Variants in ATP6V1E1 observed in about 807,000 individuals in gnomAD.
The protein encoded by ATP6V1E1 is ATPase H+ transporting V1 subunit E1.
Under a neutral mutation model 35.2 loss-of-function variants are expected in ATP6V1E1, and 21 were observed. That is an observed-to-expected ratio of 0.60 (90% CI 0.42 to 0.86). ATP6V1E1 has a LOEUF of 0.86. Among genes scored for constraint, ATP6V1E1 ranks in the 40% least tolerant of loss-of-function variants. ATP6V1E1 has a pLI of 0.00. For synonymous variants in ATP6V1E1, 83 were observed against 87.8 expected, an observed-to-expected ratio of 0.95 and a Z score of 0.30; for missense variants, 183 against 272.6, an observed-to-expected ratio of 0.67 and a Z score of 2.32.
Position 17,620,446 on chromosome 22 carries a change from G to A in ATP6V1E1, c.34-920C>T, listed in dbSNP as rs143353742. ...ACAGACGTGAGCCACCGCGCACGGCGAGCAACCTTCCCTTCTTTAACAATC... is the reference window on the plus strand; with the variant it reads ...ACAGACGTGAGCCACCGCGCACGGCAAGCAACCTTCCCTTCTTTAACAATC... On this transcript the variant is annotated intron_variant, in intron 1 of 8. Coordinates refer to ENST00000253413, the MANE Select transcript of ATP6V1E1 (RefSeq NM_001696.4). 5.1e-3 allele frequency among the ~76,000 whole-genome samples: 772 copies of A among 151,188 alleles called. 9 individuals are homozygous for A. The highest frequency in any genetic ancestry group is 0.018 in the African/African-American group (746 of 41,304).
At chr22:17,598,400 C>G (rs2057744126) in intron 6 of ATP6V1E1, 112 bp from the exon 7 acceptor site, 1 of 831,426 alleles carries the variant, frequency 1.2e-6, no homozygotes, top group African/African-American at 1.7e-5. Context: ...GGTAAAAGAA[C>G]AGAGGCACCG....
rs149762005 is a variant in ATP6V1E1, at chr22:17,619,611, T to C, written c.34-85A>G. On this transcript the variant is annotated intron_variant, in intron 1 of 8. Coordinates refer to ENST00000253413, the MANE Select transcript of ATP6V1E1 (RefSeq NM_001696.4). ...CATTGAACAAGTAATCATAGGTAGG[T>C]GCAGTGGCTCACGCCCGTAATCCTA... is the stretch of plus-strand genomic sequence containing the variant. The C allele has an allele frequency of 9.5e-5, 115 of 1,208,374 alleles. No individual in the cohort carries two copies. In the African/African-American group the frequency reaches 1.3e-3, roughly 14 times the overall value. 74.9% of individuals were successfully genotyped at this position (1,208,374 alleles called of 1,614,324 possible).
At position 17,594,459 on chromosome 22, in the gene ATP6V1E1, T is replaced by G. The variant is rs920751871; in HGVS notation, c.618+70A>C. On this transcript the variant is annotated intron_variant, in intron 8 of 8. Transcript: ENST00000253413. ...GCAACAAATCCCAAATACCAGTGAA[T>G]GGACACGTGTTCTCTGTCCCACTTC... is the stretch of plus-strand genomic sequence containing the variant. 5 of 1,192,658 alleles carry G rather than the reference T, an allele frequency of 4.2e-6. No individual in the cohort carries two copies. The African/African-American group carries it at 7.9e-5, about 19-fold the overall frequency. 73.9% of individuals were successfully genotyped at this position (1,192,658 alleles called of 1,614,324 possible). A position where few individuals can be genotyped will look rare whatever the true frequency, so the allele number is the denominator to read the frequency against.
At chr22:17,594,248 C>A (rs1354968040) in intron 8 of ATP6V1E1, among the ~76,000 whole-genome samples, 2 of 152,126 alleles carry the variant, frequency 1.3e-5, no homozygotes, top group Non-Finnish European at 2.9e-5. Context: ...GTTCCCATCA[C>A]TCCTGTTAGA....
At chr22:17,599,173 A>G (rs1314112853) in intron 6 of ATP6V1E1, among the ~76,000 whole-genome samples, 1 of 152,144 alleles carries the variant, frequency 6.6e-6, no homozygotes, top group Admixed American at 6.6e-5. Context: ...AGTACGGGAA[A>G]ATGGAAAAGT....
chr22:17,594,637 G>T, intron 7 of ATP6V1E1, 21 bp from the exon 8 acceptor site: 1 of 1,520,864 alleles, frequency 6.6e-7, no homozygotes, highest in Non-Finnish European at 8.9e-7. Context: ...AAAAGCACAG[G>T]AAATAATCAT....
chr22:17,596,140 T>C lies in ATP6V1E1; in HGVS notation c.531-1524A>G, dbSNP rs537706645. On this transcript the variant is annotated intron_variant, in intron 7 of 8. Transcript: ENST00000253413. Reference sequence around the variant, plus strand: ...GTGAGACTCTGTCTCAAAAAATAAATAAATAAATAAATAAGATAAAAAATG... The same window carrying C: ...GTGAGACTCTGTCTCAAAAAATAAACAAATAAATAAATAAGATAAAAAATG... Among the ~76,000 whole-genome samples the C allele has an allele frequency of 2.0e-5, 3 of 151,868 alleles. No homozygotes were observed. In the South Asian group the frequency reaches 6.2e-4, roughly 32 times the overall value.
intron 1 of ATP6V1E1, among the ~76,000 whole-genome samples, chr22:17,628,122 C>T (rs1362888754): frequency 1.3e-5 from 2 of 151,968 alleles, no homozygotes; most frequent in South Asian, 2.1e-4. Context: ...CGCGCCACCA[C>T]GTCCGGCTAA....
At chr22:17,626,564 TC>T (rs2057906954) in intron 1 of ATP6V1E1, among the ~76,000 whole-genome samples, 1 of 147,118 alleles carries the variant, frequency 6.8e-6, no homozygotes. Context: ...TTTGAGACAG[TC>T]TCGCTCTGTT....
Position 17,614,667 on chromosome 22 carries a change from T to TAAA in ATP6V1E1, c.100-1350_100-1348dup, listed in dbSNP as rs200743259. On this transcript the variant is annotated intron_variant, in intron 2 of 8. Coordinates refer to ENST00000253413, the MANE Select transcript of ATP6V1E1 (RefSeq NM_001696.4). Reference sequence around the variant, plus strand: ...AGCCTGGGCAACAAAAGCGAACTCTTAAAAAAAAAAAAAAAAGTTGCCTGG... The same window carrying TAAA: ...AGCCTGGGCAACAAAAGCGAACTCTTAAAAAAAAAAAAAAAAAAAGTTGCCTGG... Among the ~76,000 whole-genome samples the TAAA allele has an allele frequency of 5.5e-3, 723 of 130,734 alleles. 5 individuals are homozygous for TAAA. The highest frequency in any genetic ancestry group is 0.019 in the African/African-American group (665 of 35,530). The allele number at this position is 130,734 out of a possible 152,430, so 85.8% of individuals were successfully genotyped here. A position where few individuals can be genotyped will look rare whatever the true frequency, so the allele number is the denominator to read the frequency against.
chr22:17,612,534 G>A (rs2057820385), intron 4 of ATP6V1E1: 1 of 311,476 alleles, frequency 3.2e-6, no homozygotes, highest in Non-Finnish European at 5.9e-6. Flanking sequence ...CCATCCTATG[G>A]TTCTGGTCTC....
intron 4 of ATP6V1E1, among the ~76,000 whole-genome samples, chr22:17,609,761 G>A (rs962579860): frequency 6.6e-5 from 10 of 151,876 alleles, no homozygotes; most frequent in Admixed American, 2.0e-4. Context: ...GAGCCACCAC[G>A]CCCAGCCCCA....
intron 4 of ATP6V1E1, among the ~76,000 whole-genome samples, chr22:17,606,181 C>T (rs2057786157): frequency 6.6e-6 from 1 of 152,196 alleles, no homozygotes; most frequent in Non-Finnish European, 1.5e-5. Context: ...AAGCACCACA[C>T]AACTTGCCTA....
intron 1 of ATP6V1E1, among the ~76,000 whole-genome samples, chr22:17,624,608 C>A (rs571374002): frequency 6.6e-6 from 1 of 151,854 alleles, no homozygotes; most frequent in Non-Finnish European, 1.5e-5. Flanking sequence ...CCCACCACTT[C>A]GGAGGTTCAA....
At chr22:17,621,054 T>C (rs757689297) in intron 1 of ATP6V1E1, among the ~76,000 whole-genome samples, 6 of 151,716 alleles carry the variant, frequency 4.0e-5, no homozygotes, top group Non-Finnish European at 7.4e-5. Context: ...AGAGCGAGAC[T>C]CTGTCTCAAA....
At position 17,600,555 on chromosome 22, in the gene ATP6V1E1, T is replaced by A. The variant is rs548876127; in HGVS notation, c.367-460A>T. 3.7e-4 allele frequency: 58 copies of A among 155,996 alleles called. 1 individual carries two copies. The highest frequency in any genetic ancestry group is 2.0e-4 in the Non-Finnish European group (14 of 70,538). 9.7% of individuals were successfully genotyped at this position (155,996 alleles called of 1,614,324 possible). The stretch of plus-strand genomic sequence containing the variant: ...CCACTAACAGATGGCATATATCACA[T>A]AAGACCATGGAAAGATCTATCTATC... On this transcript the variant is annotated intron_variant, in intron 5 of 8. Coordinates refer to ENST00000253413, the MANE Select transcript of ATP6V1E1 (RefSeq NM_001696.4).
chr22:17,616,024 T>C (rs944770678), intron 2 of ATP6V1E1, among the ~76,000 whole-genome samples: 1 of 143,652 alleles, frequency 7.0e-6, no homozygotes, highest in Non-Finnish European at 1.5e-5. Context: ...AGTGCAAGAC[T>C]CCATCTCAAA....
In ATP6V1E1 at chr22:17,592,753, T is replaced by C; in HGVS notation, c.619-17A>G. 1 of 1,608,036 alleles carries C rather than the reference T, an allele frequency of 6.2e-7. No homozygotes were observed. The highest frequency in any genetic ancestry group is 8.5e-7 in the Non-Finnish European group (1 of 1,175,136). ...TGGCATCATCTGTGGAGAGAAAGTG[T>C]AATAAATACGCAATGTCAGCTGAAG... On this transcript the variant is annotated splice_polypyrimidine_tract_variant and intron_variant, in intron 8 of 8. Coordinates refer to ENST00000253413, the MANE Select transcript of ATP6V1E1 (RefSeq NM_001696.4).
chr22:17,598,147 T>C (rs186881142), intron 7 of ATP6V1E1, 47 bp downstream of exon 7: 2 of 1,479,116 alleles, frequency 1.4e-6, no homozygotes, highest in East Asian at 2.3e-5. Flanking sequence ...TAAAGGCCAC[T>C]CTCCCAGGGA....
Sources: allele counts gnomAD v4.1 joint callset (sites outside exome capture counted in the v4.1 genomes callset), GRCh38; gene constraint gnomAD v4.1.1; transcripts MANE v1.5; gene names NCBI Gene and HGNC (gene_info 2026-07-23, HGNC 2026-07-21).